Variants in MTR observed in about 807,000 individuals in gnomAD.
The protein encoded by MTR is methionine synthase.
A neutral mutation model predicts 154.8 loss-of-function variants in MTR; 84 were observed. The ratio of observed to expected loss-of-function variants is 0.54; its 90% CI spans 0.45 to 0.65. The LOEUF (loss-of-function observed/expected upper bound fraction) is 0.65, where lower values mean the gene tolerates loss of function less well. MTR is among the 30% of genes least tolerant of loss of function. The pLI is 0.00. For missense variants in MTR, 1,275 were observed against 1,570.2 expected (o/e 0.81, Z 3.18); for synonymous variants, 554 against 553.9 (o/e 1.00, Z 0.00).
At chr1:236,829,132 T>G in intron 11 of MTR, 57 bp from the exon 12 acceptor site, 2 of 1,343,632 alleles carry the variant, frequency 1.5e-6, no homozygotes, top group Non-Finnish European at 2.1e-6. Context: ...GAAATTAGTT[T>G]CATTAAATAT....
chr1:236,812,869 C>T (rs988399943), intron 6 of MTR, 25 bp downstream of exon 6: 28 of 1,590,096 alleles, frequency 1.8e-5, no homozygotes, highest in Non-Finnish European at 2.3e-5. Flanking sequence ...AAAAAACAGA[C>T]AAGGCTGGGG....
At chr1:236,801,840 T>C (rs1483519378) in intron 1 of MTR, among the ~76,000 whole-genome samples, 2 of 152,170 alleles carry the variant, frequency 1.3e-5, no homozygotes, top group Non-Finnish European at 2.9e-5. Flanking sequence ...AGCAACTGGT[T>C]TAAAATTGTT....
intron 1 of MTR, among the ~76,000 whole-genome samples, chr1:236,801,168 A>G (rs1191677268): frequency 6.6e-6 from 1 of 152,086 alleles, no homozygotes; most frequent in Non-Finnish European, 1.5e-5. Context: ...CCTTTTCTCC[A>G]CATTTCCCAA....
intron 2 of MTR, among the ~76,000 whole-genome samples, chr1:236,803,937 T>C (rs1054094729): frequency 7.9e-5 from 12 of 152,228 alleles, no homozygotes; most frequent in African/African-American, 2.9e-4. Context: ...AACTATCTTA[T>C]TTAAGTTACT....
At position 236,902,385 on chromosome 1, in the gene MTR, C is replaced by T. The variant is rs1471974454; in HGVS notation, c.*4741C>T. ...ACCGCCATGCACATTTCATACAGCC[C>T]TTGCTGAAACTTCATCTAGTTCTCT... On this transcript the variant is annotated 3_prime_UTR_variant, in exon 33 of 33. Transcript: ENST00000366577. The T allele has an allele frequency of 6.6e-6, 1 of 152,250 alleles. No homozygotes were observed. The allele number at this position is 152,250 out of a possible 1,614,324, so 9.4% of individuals were successfully genotyped here.
chr1:236,829,276 A>T lies in MTR; in HGVS notation c.1075+8A>T, dbSNP rs1344210797. ...GACATATGTTACTGTCTGGTGAGTCATAAAGACCTGGTATTCCTGATTGCA... is the reference window on the plus strand; with the variant it reads ...GACATATGTTACTGTCTGGTGAGTCTTAAAGACCTGGTATTCCTGATTGCA... On this transcript the variant is annotated splice_region_variant and intron_variant, in intron 12 of 32. Transcript: ENST00000366577. 1.2e-6 allele frequency: 2 copies of T among 1,608,896 alleles called. No homozygotes were observed. The highest frequency in any genetic ancestry group is 1.1e-5 in the South Asian group (1 of 90,970).
intron 22 of MTR, among the ~76,000 whole-genome samples, chr1:236,870,614 A>G (rs1013974862): frequency 6.6e-6 from 1 of 152,150 alleles, no homozygotes; most frequent in Non-Finnish European, 1.5e-5. Context: ...AAGTCGTCTC[A>G]TTCGTTTTGT....
At chr1:236,893,534 C>CTGT (rs1666452338) in intron 29 of MTR, among the ~76,000 whole-genome samples, 1 of 152,166 alleles carries the variant, frequency 6.6e-6, no homozygotes. Flanking sequence ...TCACCTATGT[C>CTGT]ACAAGGTGGT....
intron 8 of MTR, among the ~76,000 whole-genome samples, chr1:236,820,710 C>T (rs1311012011): frequency 6.6e-6 from 1 of 151,810 alleles, no homozygotes; most frequent in Non-Finnish European, 1.5e-5. Flanking sequence ...GACTGTGTAT[C>T]TTGTGAGAAA....
At position 236,900,009 on chromosome 1, in the gene MTR, C is replaced by T; in HGVS notation, c.*2365C>T. 1 of 210,766 alleles carries T rather than the reference C, an allele frequency of 4.7e-6. No individual in the cohort carries two copies. The highest frequency in any genetic ancestry group is 9.9e-6 in the Non-Finnish European group (1 of 100,780). 13.1% of individuals were successfully genotyped at this position (210,766 alleles called of 1,614,324 possible). ...ACCACTGCTTTAAAAAACAATTATC[C>T]CTTACAGACTTGAACATTTGCAGAC... On this transcript the variant is annotated 3_prime_UTR_variant, in exon 33 of 33. Coordinates refer to ENST00000366577, the MANE Select transcript of MTR (RefSeq NM_000254.3).
At chr1:236,812,870 A>G (rs766571960) in intron 6 of MTR, 26 bp downstream of exon 6, 5 of 1,585,666 alleles carry the variant, frequency 3.2e-6, no homozygotes, top group African/African-American at 2.7e-5. Context: ...AAAAACAGAC[A>G]AGGCTGGGGT....
intron 1 of MTR, 39 bp from the exon 2 acceptor site, chr1:236,803,389 C>T: frequency 6.3e-7 from 1 of 1,589,644 alleles, no homozygotes; most frequent in Non-Finnish European, 8.6e-7. Context: ...TCTTTTTCAC[C>T]TTTCATTCTT....
rs10925245 is a variant in MTR at position 236,841,914 on chromosome 1, A to T, written c.1515+3315A>T. On this transcript the variant is annotated intron_variant, in intron 15 of 32. Transcript: ENST00000366577. The stretch of plus-strand genomic sequence containing the variant: ...AACTCTTTTTTTTTTTTTTTTTGAG[A>T]CGGAGTCTCGCTGTCGCCCAGGCTG... Among the ~76,000 whole-genome samples the T allele has an allele frequency of 9.1e-5, 13 of 143,002 alleles. No individual in the cohort carries two copies. The South Asian group carries it at 2.9e-3, about 32-fold the overall frequency. The allele number at this position is 143,002 out of a possible 152,430, so 93.8% of individuals were successfully genotyped here.
chr1:236,891,436 G>A, intron 29 of MTR, 107 bp downstream of exon 29: 2 of 1,155,464 alleles, frequency 1.7e-6, no homozygotes, highest in Non-Finnish European at 1.3e-6. Context: ...CCTCCCAAAT[G>A]ACCAATCACA....
chr1:236,874,301 G>T (rs192309658), intron 23 of MTR, among the ~76,000 whole-genome samples: 3 of 152,236 alleles, frequency 2.0e-5, no homozygotes, highest in African/African-American at 4.8e-5. Flanking sequence ...GGGGATGGGC[G>T]CAGTGGCTCA....
intron 29 of MTR, 40 bp downstream of exon 29, chr1:236,891,369 TTG>T (rs942643046): frequency 8.2e-6 from 13 of 1,589,696 alleles, no homozygotes; most frequent in African/African-American, 2.7e-5. Context: ...CCGCTTTCGC[TTG>T]TGAGTTTAAG....
At chr1:236,880,966 C>T (rs1324412222) in intron 25 of MTR, 130 bp downstream of exon 25, 2 of 910,674 alleles carry the variant, frequency 2.2e-6, no homozygotes, top group African/African-American at 1.6e-5. Context: ...GCCTGAGGCT[C>T]ATGGTGTGCC....
Position 236,850,524 on chromosome 1 carries a change from G to C in MTR, c.1695+1G>C, listed in dbSNP as rs1663836420. The stretch of plus-strand genomic sequence containing the variant: ...TATCCATGCAACAAAAGTCATTAAA[G>C]TAAGTGTAGGCATGTTCTCTCCCAA... On this transcript the variant is annotated splice_donor_variant, in intron 16 of 32. Coordinates refer to ENST00000366577, the MANE Select transcript of MTR (RefSeq NM_000254.3). LOFTEE classifies it high-confidence loss of function. 6.2e-7 allele frequency: 1 copy of C among 1,613,158 alleles called. No homozygotes were observed. Among genetic ancestry groups the C allele is most frequent in the Non-Finnish European group, 8.5e-7 (1 of 1,179,476 alleles).
intron 22 of MTR, among the ~76,000 whole-genome samples, chr1:236,866,987 AG>A (rs748931170): frequency 2.6e-5 from 4 of 152,232 alleles, no homozygotes; most frequent in Non-Finnish European, 5.9e-5. Context: ...TAATGGTACA[AG>A]GTGAAGTGCA....
Sources: allele counts gnomAD v4.1 joint callset (sites outside exome capture counted in the v4.1 genomes callset), GRCh38; gene constraint gnomAD v4.1.1; transcripts MANE v1.5; gene names NCBI Gene and HGNC (gene_info 2026-07-23, HGNC 2026-07-21).